Variants in ENTREP2 observed in about 807,000 individuals in gnomAD.
The protein encoded by ENTREP2 is endosomal transmembrane epsin interactor 2.
At chr15:29,198,671 C>T in the ENTREP2 span, among the ~76,000 whole-genome samples, 2 of 152,246 alleles carry the variant, frequency 1.3e-5, no homozygotes, top group Non-Finnish European at 2.9e-5. Context: ...AAGCACCCAC[C>T]GGCCCATGGC....
the ENTREP2 span, among the ~76,000 whole-genome samples, chr15:29,443,031 C>A: frequency 6.6e-6 from 1 of 152,168 alleles, no homozygotes; most frequent in South Asian, 2.1e-4. Flanking sequence ...AGCGTCTCTG[C>A]GAAGGAGGGA....
chr15:29,297,677 A>G, the ENTREP2 span, among the ~76,000 whole-genome samples: 3 of 152,186 alleles, frequency 2.0e-5, no homozygotes, highest in Non-Finnish European at 4.4e-5. Context: ...AAGAGAAAGA[A>G]CTGGAGTCTG....
At chr15:29,656,022 TAAAA>T in the ENTREP2 span, among the ~76,000 whole-genome samples, 1 of 100,392 alleles carries the variant, frequency 1.0e-5, no homozygotes, top group Middle Eastern at 6.3e-3. Flanking sequence ...ACACTCCGTT[TAAAA>T]AAAAAAAAAA....
the ENTREP2 span, among the ~76,000 whole-genome samples, chr15:29,348,719 T>C: frequency 2.6e-5 from 4 of 152,134 alleles, no homozygotes; most frequent in Non-Finnish European, 5.9e-5. Flanking sequence ...AGTAGGAAAA[T>C]GGCCAAAGGC....
chr15:29,175,805 A>G, the ENTREP2 span, among the ~76,000 whole-genome samples: 1 of 152,150 alleles, frequency 6.6e-6, no homozygotes, highest in East Asian at 1.9e-4. Context: ...ACGGGGTTTC[A>G]CCATGTTGGT....
the ENTREP2 span, among the ~76,000 whole-genome samples, chr15:29,462,426 T>C: frequency 2.0e-5 from 3 of 151,952 alleles, no homozygotes; most frequent in East Asian, 5.8e-4. Context: ...CTGGCTAACA[T>C]GGTGAAACCC....
the ENTREP2 span, among the ~76,000 whole-genome samples, chr15:29,187,778 A>G: frequency 6.6e-6 from 1 of 152,246 alleles, no homozygotes; most frequent in Non-Finnish European, 1.5e-5. Context: ...TGTAAGCCAG[A>G]AAAAGACAGG....
chr15:29,504,391 C>G, the ENTREP2 span, among the ~76,000 whole-genome samples: 1 of 152,000 alleles, frequency 6.6e-6, no homozygotes, highest in East Asian at 1.9e-4. Flanking sequence ...AATGACATCA[C>G]AGTTAAAACC....
At chr15:29,277,303 C>T in the ENTREP2 span, among the ~76,000 whole-genome samples, 4 of 151,410 alleles carry the variant, frequency 2.6e-5, no homozygotes, top group South Asian at 8.3e-4. Flanking sequence ...GATTGTGTCA[C>T]TGCACTTTAG....
chr15:29,654,419 C>T, the ENTREP2 span, among the ~76,000 whole-genome samples: 1 of 152,154 alleles, frequency 6.6e-6, no homozygotes, highest in South Asian at 2.1e-4. Context: ...TCATTGTATA[C>T]TGAAAGTAGA....
the ENTREP2 span, among the ~76,000 whole-genome samples, chr15:29,511,606 CGT>C: frequency 1.2e-3 from 175 of 151,932 alleles, no homozygotes; most frequent in African/African-American, 3.9e-3. Flanking sequence ...GGATTACAGG[CGT>C]GAGCCACCAC....
At chr15:29,647,253 C>G in the ENTREP2 span, among the ~76,000 whole-genome samples, 3 of 152,200 alleles carry the variant, frequency 2.0e-5, no homozygotes, top group Admixed American at 6.5e-5. Context: ...TAGATCCTCT[C>G]AAGTCCTTGC....
chr15:29,633,882 C>G, the ENTREP2 span, among the ~76,000 whole-genome samples: 1 of 152,106 alleles, frequency 6.6e-6, no homozygotes, highest in Non-Finnish European at 1.5e-5. Flanking sequence ...TCGCTTGAAC[C>G]CGGGAGGCGA....
chr15:29,662,787 C>A, the ENTREP2 span, among the ~76,000 whole-genome samples: 6 of 152,224 alleles, frequency 3.9e-5, no homozygotes, highest in South Asian at 1.2e-3. Context: ...ATGGCGCAAT[C>A]TCTGCTCACT....
the ENTREP2 span, among the ~76,000 whole-genome samples, chr15:29,537,310 C>T: frequency 7.2e-5 from 11 of 152,126 alleles, no homozygotes; most frequent in Admixed American, 7.2e-4. Context: ...TCATCCCAAA[C>T]TCACACCGCC....
chr15:29,674,111 C>A, the ENTREP2 span, among the ~76,000 whole-genome samples: 1 of 145,794 alleles, frequency 6.9e-6, no homozygotes, highest in African/African-American at 2.6e-5. Flanking sequence ...CTCAGCCCTT[C>A]CCCAGCCTGC....
the ENTREP2 span, among the ~76,000 whole-genome samples, chr15:29,399,558 A>G: frequency 1.3e-5 from 2 of 152,344 alleles, no homozygotes; most frequent in South Asian, 2.1e-4. Flanking sequence ...TACAAAATCA[A>G]TATGTTGAAA....
the ENTREP2 span, among the ~76,000 whole-genome samples, chr15:29,437,651 C>T: frequency 1.4e-4 from 21 of 152,158 alleles, 1 homozygote; most frequent in African/African-American, 5.1e-4. Context: ...CTCAGCAGTT[C>T]ATTAGCTTTT....
At chr15:29,650,866 T>C in the ENTREP2 span, among the ~76,000 whole-genome samples, 1 of 152,036 alleles carries the variant, frequency 6.6e-6, no homozygotes, top group African/African-American at 2.4e-5. Context: ...TGAAGTACAA[T>C]ACATTAGCCA....
Sources: gnomAD v4.1 joint callset for allele counts (sites outside exome capture counted in the v4.1 genomes callset) on GRCh38, gnomAD v4.1.1 for gene constraint, MANE v1.5 for transcripts, NCBI Gene and HGNC (gene_info 2026-07-23, HGNC 2026-07-21) for gene names.